Variants in ANKDD1A observed in about 807,000 individuals in gnomAD.
ANKDD1A encodes ankyrin repeat and death domain containing 1A.
ANKDD1A carries 59 observed loss-of-function variants against 63.5 expected under a neutral mutation model. The observed-to-expected ratio is 0.93, with a 90% confidence interval of 0.75 to 1.15. The LOEUF (loss-of-function observed/expected upper bound fraction) is 1.15. Ranked by LOEUF, ANKDD1A falls within the 50% of genes most tolerant of loss-of-function variation. The pLI is 0.00. For synonymous variants in ANKDD1A, 266 were observed against 263.9 expected (o/e 1.01, Z -0.08); for missense variants, 632 against 656.4 (o/e 0.96, Z 0.41).
At chr15:64,945,617 T>TATATATATATATATATATAC (rs1177204265) in intron 12 of ANKDD1A, among the ~76,000 whole-genome samples, 838 of 71,254 alleles carry the variant, frequency 0.012, 42 homozygotes, top group African/African-American at 0.049. Flanking sequence ...CATATATATA[T>TATATATATATATATATATAC]ATATATATAT....
chr15:64,953,621 C>CTTAGTTCTTCTTAG (rs1555397865), intron 14 of ANKDD1A, among the ~76,000 whole-genome samples: 1 of 27,998 alleles, frequency 3.6e-5, no homozygotes, highest in African/African-American at 5.4e-5. Flanking sequence ...TCTCCTTCTT[C>CTTAGTTCTTCTTAG]TTCTTCTTCC....
intron 12 of ANKDD1A, among the ~76,000 whole-genome samples, chr15:64,946,975 A>G (rs1252644957): frequency 6.6e-6 from 1 of 151,764 alleles, no homozygotes; most frequent in Non-Finnish European, 1.5e-5. Flanking sequence ...ACCCTTTACT[A>G]CCCCTTGTGA....
rs947051582 is a variant in ANKDD1A at position 64,950,574 on chromosome 15, A to G, written c.1483+602A>G. 5.1e-6 allele frequency: 5 copies of G among 985,304 alleles called. No individual in the cohort carries two copies. In the African/African-American group the frequency reaches 8.7e-5, roughly 17 times the overall value. 61.0% of individuals were successfully genotyped at this position (985,304 alleles called of 1,614,324 possible). A position where few individuals can be genotyped will look rare whatever the true frequency, so the allele number is the denominator to read the frequency against. On this transcript the variant is annotated intron_variant, in intron 14 of 14. Coordinates refer to ENST00000319580, the MANE Select transcript of ANKDD1A (RefSeq NM_182703.6). Reference sequence around the variant, plus strand: ...TGTGATACCCACTGACGTGGTACATAATGGGGCAACCACAGAATGGGGCAC... The same window carrying G: ...TGTGATACCCACTGACGTGGTACATGATGGGGCAACCACAGAATGGGGCAC...
intron 8 of ANKDD1A, 58 bp downstream of exon 8, chr15:64,931,643 C>T (rs373268055): frequency 1.7e-5 from 27 of 1,548,494 alleles, no homozygotes; most frequent in Admixed American, 3.4e-5. Context: ...ATAGCCATGT[C>T]GGCAGTAACG....
intron 14 of ANKDD1A, among the ~76,000 whole-genome samples, chr15:64,955,310 G>C (rs927960104): frequency 6.6e-6 from 1 of 152,156 alleles, no homozygotes; most frequent in Non-Finnish European, 1.5e-5. Flanking sequence ...CAGGGATGGG[G>C]TGTTCCATCT....
intron 2 of ANKDD1A, 109 bp from the exon 3 acceptor site, chr15:64,917,277 C>T (rs2084974607): frequency 1.4e-6 from 2 of 1,386,922 alleles, no homozygotes; most frequent in Non-Finnish European, 1.9e-6. Flanking sequence ...CCAGAGCCAG[C>T]AAAGACCCTT....
chr15:64,942,742 A>G (rs28568328), intron 10 of ANKDD1A, among the ~76,000 whole-genome samples, 177 bp downstream of exon 10: 7,058 of 149,222 alleles, frequency 0.047, 572 homozygotes, highest in African/African-American at 0.17. Flanking sequence ...CATTTTGTTC[A>G]TCATTCCCCT....
chr15:64,950,346 A>G, intron 14 of ANKDD1A: 1 of 985,382 alleles, frequency 1.0e-6, no homozygotes, highest in Non-Finnish European at 1.2e-6. Flanking sequence ...AGGAGCCAAA[A>G]CTGACTTAAT....
At chr15:64,921,407 C>T (rs966167591) in intron 3 of ANKDD1A, among the ~76,000 whole-genome samples, 1 of 152,206 alleles carries the variant, frequency 6.6e-6, no homozygotes, top group Non-Finnish European at 1.5e-5. Context: ...CGAAGTCTCA[C>T]TCTGTCACTC....
chr15:64,931,852 C>T, intron 8 of ANKDD1A: 1 of 581,156 alleles, frequency 1.7e-6, no homozygotes. Context: ...ACACAGTGCC[C>T]AGGACATAAT....
At chr15:64,955,161 C>T (rs1400150428) in intron 14 of ANKDD1A, among the ~76,000 whole-genome samples, 4 of 146,114 alleles carry the variant, frequency 2.7e-5, no homozygotes, top group Non-Finnish European at 4.6e-5. Context: ...TCACGCCATT[C>T]TCCTGCCTCA....
intron 8 of ANKDD1A, among the ~76,000 whole-genome samples, chr15:64,933,496 A>G (rs977945467): frequency 2.6e-5 from 4 of 152,162 alleles, no homozygotes; most frequent in East Asian, 3.9e-4. Context: ...TGGGCAGTGC[A>G]TGCTGGGTGG....
rs1346589954 is a variant in ANKDD1A at position 64,920,183 on chromosome 15, C to G, written c.268-1738C>G. 5.9e-5 allele frequency among the ~76,000 whole-genome samples: 9 copies of G among 152,262 alleles called. No homozygotes were observed. In the East Asian group the frequency reaches 1.7e-3, roughly 29 times the overall value. ...AGGATCTGGCTGGCTCTTGATGTAT[C>G]CCCGGAGCTGAGTTTGGAGGCCTGG... On this transcript the variant is annotated intron_variant, in intron 3 of 14. Coordinates refer to ENST00000319580, the MANE Select transcript of ANKDD1A (RefSeq NM_182703.6).
chr15:64,950,723 A>AGGGGGGGGGGGG, intron 14 of ANKDD1A: 1 of 919,602 alleles, frequency 1.1e-6, no homozygotes, highest in Non-Finnish European at 1.3e-6. Flanking sequence ...GGGAAAAGAA[A>AGGGGGGGGGGGG]GGACCGCCCC....
At chr15:64,951,405 TTTTTTC>T (rs1263877410) in intron 14 of ANKDD1A, 6 of 163,992 alleles carry the variant, frequency 3.7e-5, no homozygotes, top group Non-Finnish European at 4.2e-5. Context: ...CTCTTTTTTC[TTTTTTC>T]TTTTCTTCCT....
rs547265521 is a variant in ANKDD1A, at chr15:64,953,189, CTCT to C, written c.1483+3222_1483+3224del. Among the ~76,000 whole-genome samples, 532 of 99,568 alleles carry C rather than the reference CTCT, an allele frequency of 5.3e-3. 3 individuals carry two copies. The highest frequency in any genetic ancestry group is 0.031 in the East Asian group (73 of 2,324). The allele number at this position is 99,568 out of a possible 152,430, so 65.3% of individuals were successfully genotyped here. ...CCTTCTTTTCTTCTTTTTCTTCTTC[CTCT>C]TCTTATTCTTTCTTCTCCTTCTTTC... On this transcript the variant is annotated intron_variant, in intron 14 of 14. Transcript: ENST00000319580.
At chr15:64,927,534 A>G (rs1004899552) in intron 6 of ANKDD1A, among the ~76,000 whole-genome samples, 1 of 151,644 alleles carries the variant, frequency 6.6e-6, no homozygotes, top group Non-Finnish European at 1.5e-5. Flanking sequence ...CAGAGGGTCT[A>G]CCCTGCAAAT....
rs1555397386 is a variant in ANKDD1A, at chr15:64,951,553, T to TCTTTTTCTTCTG, written c.1483+1585_1483+1586insTTCTTCTGCTTT. 16 of 22,182 alleles carry TCTTTTTCTTCTG rather than the reference T, an allele frequency of 7.2e-4. No homozygotes were observed. The South Asian group carries it at 9.3e-3, about 13-fold the overall frequency. 1.4% of individuals were successfully genotyped at this position (22,182 alleles called of 1,614,324 possible). ...TCCTCTTCCCTCTTCTTTCTTCTCT[T>TCTTTTTCTTCTG]CTTTCTTTTTCTTTTCTTTCTTCTT... On this transcript the variant is annotated intron_variant, in intron 14 of 14. Transcript: ENST00000319580.
At chr15:64,956,776 C>T (rs371360948) in intron 14 of ANKDD1A, among the ~76,000 whole-genome samples, 2 of 152,250 alleles carry the variant, frequency 1.3e-5, no homozygotes, top group African/African-American at 4.8e-5. Flanking sequence ...TGGTCTTGAA[C>T]TCCTGACCTA....
Sources: gnomAD v4.1 joint callset for allele counts (sites outside exome capture counted in the v4.1 genomes callset) on GRCh38, gnomAD v4.1.1 for gene constraint, MANE v1.5 for transcripts, NCBI Gene and HGNC (gene_info 2026-07-23, HGNC 2026-07-21) for gene names.